The following TTBK1 variants were observed in gnomAD, a reference collection of about 807,000 sequenced individuals.
The protein encoded by TTBK1 is tau-tubulin kinase 1.
Under a neutral mutation model 108.5 loss-of-function variants are expected in TTBK1, and 34 were observed. That is an observed-to-expected ratio of 0.31 (90% CI 0.24 to 0.42). The LOEUF (loss-of-function observed/expected upper bound fraction) is 0.42. Among genes scored for constraint, TTBK1 ranks in the 10% least tolerant of loss-of-function variants. TTBK1 has a pLI of 1.00. For synonymous variants in TTBK1, 809 were observed against 795.1 expected (o/e 1.02, Z -0.29); for missense variants, 1,539 against 1,826.0 (o/e 0.84, Z 2.86).
Position 43,269,793 on chromosome 6 carries a change from A to G in TTBK1, c.1986+6443A>G, listed in dbSNP as rs1270040718. Reference sequence around the variant, plus strand: ...CTCCTCGGGCTCCTCCGGTTCCCTCATTCAGCGCAGCCGCTCGGCTGAGAG... The same window carrying G: ...CTCCTCGGGCTCCTCCGGTTCCCTCGTTCAGCGCAGCCGCTCGGCTGAGAG... On this transcript the variant is annotated intron_variant, in intron 13 of 14. Transcript: ENST00000259750. This position sits in a 1 kb window ranked among gnomAD's most constrained non-coding sequence, Gnocchi z 4.8. The G allele has an allele frequency of 1.3e-6, 2 of 1,565,882 alleles. No homozygotes were observed. The highest frequency in any genetic ancestry group is 1.4e-5 in the African/African-American group (1 of 73,960).
intron 13 of TTBK1, among the ~76,000 whole-genome samples, chr6:43,277,037 A>C (rs547342162): frequency 2.0e-5 from 3 of 152,222 alleles, no homozygotes; most frequent in African/African-American, 7.2e-5. Context: ...GGCTGGGCCC[A>C]CCAGGCCCAG....
chr6:43,261,234 C>G (rs986942046), intron 12 of TTBK1, among the ~76,000 whole-genome samples: 2 of 152,164 alleles, frequency 1.3e-5, no homozygotes, highest in Non-Finnish European at 1.5e-5. Context: ...TGCACCCCTG[C>G]CTCTGCAGCT....
Position 43,253,163 on chromosome 6 carries a change from G to T in TTBK1, c.257-128G>T, listed in dbSNP as rs1260041672. Reference sequence around the variant, plus strand: ...TGATGAGGCTAGGGCCAGGGAGGTGGCAAGACAGGTGCTCACAGGGCCAGC... The same window carrying T: ...TGATGAGGCTAGGGCCAGGGAGGTGTCAAGACAGGTGCTCACAGGGCCAGC... On this transcript the variant is annotated intron_variant, in intron 3 of 14. Coordinates refer to ENST00000259750, the MANE Select transcript of TTBK1 (RefSeq NM_032538.3). This position sits in a 1 kb window ranked among gnomAD's most constrained non-coding sequence, Gnocchi z 5.8. The T allele has an allele frequency of 7.4e-6, 8 of 1,079,244 alleles. No individual in the cohort carries two copies. Among genetic ancestry groups the T allele is most frequent in the Non-Finnish European group, 9.9e-6 (7 of 706,516 alleles). 66.9% of individuals were successfully genotyped at this position (1,079,244 alleles called of 1,614,324 possible). A position where few individuals can be genotyped will look rare whatever the true frequency, so the allele number is the denominator to read the frequency against.
rs776680902 is a variant in TTBK1, at chr6:43,259,035, C to T, written c.1017-3C>T. The T allele has an allele frequency of 4.3e-6, 7 of 1,609,444 alleles. No homozygotes were observed. In the Middle Eastern group the frequency reaches 5.0e-4, roughly 115 times the overall value. ...GCCCATGGCTCCCTCCTGCCCTCTC[C>T]AGGGTGGTCAATGTGACGCCAGTGC... On this transcript the variant is annotated splice_polypyrimidine_tract_variant and splice_region_variant and intron_variant, in intron 10 of 14. Transcript: ENST00000259750. This position sits in a 1 kb window ranked among gnomAD's most constrained non-coding sequence, Gnocchi z 6.7.
intron 13 of TTBK1, chr6:43,270,990 C>A: frequency 1.0e-6 from 1 of 985,454 alleles, no homozygotes; most frequent in East Asian, 1.1e-4. Flanking sequence ...GGATAGGGAT[C>A]TGGACACTTG....
At chr6:43,255,332 C>A (rs1016656528) in intron 7 of TTBK1, among the ~76,000 whole-genome samples, 1 of 152,116 alleles carries the variant, frequency 6.6e-6, no homozygotes. Flanking sequence ...TCACTACAGA[C>A]CCCTGTCCGG....
In TTBK1 at chr6:43,254,481, G is replaced by A. The variant is rs1702751235; in HGVS notation, c.472-66G>A. ...TTCACCAGCTGCAGAGCTGTTTCTT[G>A]GTGCCCCTTGAGGTGGCCCAGCTGG... On this transcript the variant is annotated intron_variant, in intron 5 of 14. Coordinates refer to ENST00000259750, the MANE Select transcript of TTBK1 (RefSeq NM_032538.3). The A allele has an allele frequency of 2.6e-6, 3 of 1,135,382 alleles. No homozygotes were observed. In the South Asian group the frequency reaches 4.9e-5, roughly 19 times the overall value. The allele number at this position is 1,135,382 out of a possible 1,614,324, so 70.3% of individuals were successfully genotyped here.
Position 43,283,427 on chromosome 6 carries a change from AG to A in TTBK1, c.2688del (p.Lys896AsnfsTer14). The A allele has an allele frequency of 6.2e-7, 1 of 1,613,256 alleles. No individual in the cohort carries two copies. Among genetic ancestry groups the A allele is most frequent in the Non-Finnish European group, 8.5e-7 (1 of 1,179,656 alleles). ...TLSSVLKSEP[K>X]PPGPGAGLGA... ...TCCTCTGTCCTCAAGTCTGAGCCCA[AG>A]CCCCCGGGGCCTGGGGCAGGGCTGG... On this transcript the variant is annotated frameshift_variant, in exon 14 of 15. Transcript: ENST00000259750. LOFTEE classifies it high-confidence loss of function. The surrounding 1 kb of genome is among the most constrained non-coding windows in gnomAD (Gnocchi z 8.1).
chr6:43,258,634 C>G lies in TTBK1; in HGVS notation c.1017-404C>G, dbSNP rs116976817. Among the ~76,000 whole-genome samples, 244 of 152,266 alleles carry G rather than the reference C, an allele frequency of 1.6e-3. 7 individuals are homozygous for G. In the East Asian group the frequency reaches 0.041, roughly 26 times the overall value. On this transcript the variant is annotated intron_variant, in intron 10 of 14. Transcript: ENST00000259750. The stretch of plus-strand genomic sequence containing the variant: ...TTTAAGTGTATATTCAGGGCAACTT[C>G]AATCTATGCTCCCAGACTGCAAAAT...
chr6:43,275,535 C>G (rs1777956488), intron 13 of TTBK1, among the ~76,000 whole-genome samples: 1 of 152,054 alleles, frequency 6.6e-6, no homozygotes, highest in East Asian at 1.9e-4. Context: ...CCTCCAGGCT[C>G]GGAGGGCCCT....
intron 13 of TTBK1, among the ~76,000 whole-genome samples, chr6:43,280,802 C>G (rs1445308847): frequency 6.6e-6 from 1 of 152,092 alleles, no homozygotes; most frequent in Non-Finnish European, 1.5e-5. Flanking sequence ...GGCTTTGTCT[C>G]CTCTTTGCTA....
rs948148629 is a variant in TTBK1, at chr6:43,269,992, G to T, written c.1986+6642G>T. 13 of 1,429,646 alleles carry T rather than the reference G, an allele frequency of 9.1e-6. No homozygotes were observed. Among genetic ancestry groups the T allele is most frequent in the African/African-American group, 2.9e-5 (2 of 68,834 alleles). 88.6% of individuals were successfully genotyped at this position (1,429,646 alleles called of 1,614,324 possible). On this transcript the variant is annotated intron_variant, in intron 13 of 14. Transcript: ENST00000259750. This position sits in a 1 kb window ranked among gnomAD's most constrained non-coding sequence, Gnocchi z 4.8. ...TCCTGGAGGGGGCAGGTGGGGGGGG[G>T]TGGGGAGCAGGCAGAGGACCATGGT...
At chr6:43,256,868 T>A (rs1777395227) in intron 9 of TTBK1, among the ~76,000 whole-genome samples, 1 of 152,014 alleles carries the variant, frequency 6.6e-6, no homozygotes, top group Non-Finnish European at 1.5e-5. Context: ...CCCAATATAG[T>A]GGTTAGGAGC....
At position 43,259,095 on chromosome 6, in the gene TTBK1, G is replaced by A; in HGVS notation, c.1074G>A (p.Val358=). The A allele has an allele frequency of 6.2e-7, 1 of 1,614,142 alleles. No homozygotes were observed. The highest frequency in any genetic ancestry group is 8.5e-7 in the Non-Finnish European group (1 of 1,179,992). Residue 358 remains valine (V), a synonymous_variant, in exon 11 of 15, where the codon GTG becomes GTA. Transcript: ENST00000259750. The surrounding 1 kb of genome is among the most constrained non-coding windows in gnomAD (Gnocchi z 6.7). ...TGCTCCGGGAGAACACCGAGGATGT[G>A]CTACAGGGAGAGCACCTGAGTGACC... ...GDLLRENTED[V]LQGEHLSDQE... is the part of the protein sequence containing the mutation.
At chr6:43,249,730 C>T (rs1300367600) in intron 2 of TTBK1, among the ~76,000 whole-genome samples, 1 of 151,918 alleles carries the variant, frequency 6.6e-6, no homozygotes, top group Non-Finnish European at 1.5e-5. Flanking sequence ...GCACCCGCCA[C>T]CACACCTGGC....
chr6:43,270,166 A>G, intron 13 of TTBK1: 4 of 1,359,274 alleles, frequency 2.9e-6, no homozygotes, highest in Non-Finnish European at 3.8e-6. Flanking sequence ...CTCCCTTTGT[A>G]GGTGCCAGCC....
rs990334270 is a variant in TTBK1, at chr6:43,265,111, C to G, written c.1986+1761C>G. On this transcript the variant is annotated intron_variant, in intron 13 of 14. Transcript: ENST00000259750. The surrounding 1 kb of genome is among the most constrained non-coding windows in gnomAD (Gnocchi z 4.1). ...AAAACTCCAAATGGGGTCCATGAACCCACAGAGGGGCTGGGGAGAGTCATG... is the reference window on the plus strand; with the variant it reads ...AAAACTCCAAATGGGGTCCATGAACGCACAGAGGGGCTGGGGAGAGTCATG... Among the ~76,000 whole-genome samples the G allele has an allele frequency of 6.6e-6, 1 of 152,198 alleles. No homozygotes were observed. The highest frequency in any genetic ancestry group is 2.4e-5 in the African/African-American group (1 of 41,452).
intron 13 of TTBK1, among the ~76,000 whole-genome samples, chr6:43,281,324 C>T (rs1251250746): frequency 1.3e-5 from 2 of 148,344 alleles, no homozygotes; most frequent in African/African-American, 5.0e-5. Context: ...TGCAGTGAGC[C>T]GAGATCGTGC....
chr6:43,284,821 G>A (rs1778315099), intron 14 of TTBK1, among the ~76,000 whole-genome samples, 162 bp from the exon 15 acceptor site: 1 of 152,198 alleles, frequency 6.6e-6, no homozygotes, highest in Non-Finnish European at 1.5e-5. Flanking sequence ...TGCCCTGGAG[G>A]ACAGAGAGCC....
Sources: allele counts gnomAD v4.1 joint callset (sites outside exome capture counted in the v4.1 genomes callset), GRCh38; gene constraint gnomAD v4.1.1; non-coding constraint Gnocchi (gnomAD v3.1); transcripts MANE v1.5; gene names NCBI Gene and HGNC (gene_info 2026-07-23, HGNC 2026-07-21).